Variants in SPART observed in about 807,000 individuals in gnomAD.
The protein encoded by SPART is spastic paraplegia 20 (Troyer syndrome).
Under a neutral mutation model 58.7 loss-of-function variants are expected in SPART, and 35 were observed. The ratio of observed to expected loss-of-function variants is 0.60; its 90% CI spans 0.46 to 0.79. The LOEUF (loss-of-function observed/expected upper bound fraction) is 0.79, where lower values mean the gene tolerates loss of function less well. SPART is among the 30% of genes least tolerant of loss of function. The pLI, the probability that SPART is intolerant of heterozygous loss-of-function variation, is 0.00. For missense variants in SPART, 730 were observed against 786.1 expected (o/e 0.93, Z 0.85); for synonymous variants, 284 against 280.7 (o/e 1.01, Z -0.12).
intron 8 of SPART, among the ~76,000 whole-genome samples, chr13:36,304,881 A>G (rs985489526): frequency 1.5e-4 from 23 of 152,198 alleles, no homozygotes; most frequent in African/African-American, 5.3e-4. Context: ...GAATGATGTA[A>G]TAAAGACTGT....
intron 1 of SPART, among the ~76,000 whole-genome samples, chr13:36,351,784 A>G (rs914754647): frequency 4.6e-5 from 7 of 152,204 alleles, no homozygotes; most frequent in Admixed American, 2.6e-4. Context: ...GCTAGATTCA[A>G]TTTCATTCAG....
intron 1 of SPART, among the ~76,000 whole-genome samples, chr13:36,353,635 G>A (rs1885508220): frequency 6.6e-6 from 1 of 152,138 alleles, no homozygotes; most frequent in African/African-American, 2.4e-5. Context: ...CAGGAATCAG[G>A]AATAATTCTT....
intron 1 of SPART, chr13:36,345,515 T>C (rs551619673): frequency 2.0e-5 from 3 of 152,254 alleles, no homozygotes; most frequent in Non-Finnish European, 2.9e-5. Flanking sequence ...TATGATACAA[T>C]AAGGCCAACC....
Position 36,302,204 on chromosome 13 carries a change from T to TTCA in SPART, c.*2158_*2160dup, listed in dbSNP as rs796410312. ...TGTGATGAGTTTTTAAGTGTTGTTA[T>TTCA]TCATCATACCTTACAAGTAATATAT... On this transcript the variant is annotated 3_prime_UTR_variant, in exon 9 of 9. Transcript: ENST00000438666. 1 of 151,930 alleles carries TTCA rather than the reference T, an allele frequency of 6.6e-6. No homozygotes were observed. Among genetic ancestry groups the TTCA allele is most frequent in the East Asian group, 1.9e-4 (1 of 5,130 alleles). 9.4% of individuals were successfully genotyped at this position (151,930 alleles called of 1,614,324 possible).
chr13:36,352,429 G>A (rs1206176135), intron 1 of SPART, among the ~76,000 whole-genome samples: 3 of 152,110 alleles, frequency 2.0e-5, no homozygotes, highest in Non-Finnish European at 4.4e-5. Flanking sequence ...GTAACAGAGT[G>A]GTGGAGTGGG....
At chr13:36,325,687 T>C (rs540456749) in intron 5 of SPART, among the ~76,000 whole-genome samples, 1 of 152,350 alleles carries the variant, frequency 6.6e-6, no homozygotes, top group East Asian at 1.9e-4. Flanking sequence ...GTGTCACTAA[T>C]GATCATTCTG....
At chr13:36,345,498 G>A (rs1215260959) in intron 1 of SPART, 1 of 152,102 alleles carries the variant, frequency 6.6e-6, no homozygotes, top group East Asian at 1.9e-4. Context: ...ACGCAAATTC[G>A]TTAAATTATG....
At chr13:36,356,939 A>G (rs1284539020) in intron 1 of SPART, among the ~76,000 whole-genome samples, 5 of 152,196 alleles carry the variant, frequency 3.3e-5, no homozygotes, top group African/African-American at 1.2e-4. Flanking sequence ...AAATGTAAAG[A>G]TAAGTGCTTT....
intron 1 of SPART, 61 bp from the exon 2 acceptor site, chr13:36,335,893 T>C: frequency 1.6e-6 from 2 of 1,284,450 alleles, no homozygotes; most frequent in Non-Finnish European, 2.2e-6. Flanking sequence ...ATGATTCGTA[T>C]CTCCTACCTG....
intron 1 of SPART, among the ~76,000 whole-genome samples, chr13:36,364,367 T>G (rs1885978548): frequency 6.6e-6 from 1 of 152,150 alleles, no homozygotes; most frequent in South Asian, 2.1e-4. Context: ...TTTGAGGGAT[T>G]AACACCTTGT....
At chr13:36,326,249 G>A (rs1258746545) in intron 5 of SPART, 8 of 348,402 alleles carry the variant, frequency 2.3e-5, no homozygotes, top group Non-Finnish European at 3.3e-5. Flanking sequence ...ACAGGGGTAG[G>A]GGGAGGTTAA....
chr13:36,363,132 A>T (rs1402337705), intron 1 of SPART, among the ~76,000 whole-genome samples: 1 of 152,250 alleles, frequency 6.6e-6, no homozygotes, highest in Non-Finnish European at 1.5e-5. Flanking sequence ...GCATGGAACG[A>T]AAGTATTTCA....
At chr13:36,356,633 G>A (rs1253750682) in intron 1 of SPART, among the ~76,000 whole-genome samples, 2 of 152,150 alleles carry the variant, frequency 1.3e-5, no homozygotes, top group African/African-American at 4.8e-5. Flanking sequence ...CTGAACCAAT[G>A]TATTTCTTAA....
intron 4 of SPART, among the ~76,000 whole-genome samples, chr13:36,327,351 C>T (rs1883032317): frequency 6.6e-6 from 1 of 152,086 alleles, no homozygotes; most frequent in Non-Finnish European, 1.5e-5. Flanking sequence ...ACTTGAAAAT[C>T]AAAGTGGCCA....
At chr13:36,348,784 A>C (rs541585679), upstream of SPART, among the ~76,000 whole-genome samples, 3 of 152,344 alleles carry the variant, frequency 2.0e-5, no homozygotes, top group South Asian at 6.2e-4. Flanking sequence ...ATGGACCTCC[A>C]GACGCAACAC....
chr13:36,343,759 C>T (rs1188048857), intron 1 of SPART, among the ~76,000 whole-genome samples: 1 of 152,102 alleles, frequency 6.6e-6, no homozygotes, highest in Non-Finnish European at 1.5e-5. Flanking sequence ...TTATCCAATC[C>T]TCACTCTTGG....
chr13:36,341,300 C>T (rs938511540), intron 1 of SPART, among the ~76,000 whole-genome samples: 1 of 152,104 alleles, frequency 6.6e-6, no homozygotes, highest in Non-Finnish European at 1.5e-5. Flanking sequence ...GTAATTTATA[C>T]TTTTCTAATA....
chr13:36,307,836 T>C (rs1309183948), intron 8 of SPART, among the ~76,000 whole-genome samples: 1 of 152,126 alleles, frequency 6.6e-6, no homozygotes, highest in East Asian at 1.9e-4. Flanking sequence ...TGCATTTAGC[T>C]AAAAATTTTA....
At chr13:36,339,428 A>T (rs1884347432) in intron 1 of SPART, among the ~76,000 whole-genome samples, 1 of 151,944 alleles carries the variant, frequency 6.6e-6, no homozygotes, top group African/African-American at 2.4e-5. Flanking sequence ...TGAGGTCAGG[A>T]GCTCGAGACC....
Sources: gnomAD v4.1 joint callset for allele counts (sites outside exome capture counted in the v4.1 genomes callset) on GRCh38, gnomAD v4.1.1 for gene constraint, MANE v1.5 for transcripts, NCBI Gene and HGNC (gene_info 2026-07-23, HGNC 2026-07-21) for gene names.